ALX1: variants seen among roughly 807,000 people sequenced by gnomAD.
ALX1 encodes ALX homeobox 1.
A neutral mutation model predicts 31.7 loss-of-function variants in ALX1; 19 were observed. The ratio of observed to expected loss-of-function variants is 0.60; its 90% CI spans 0.42 to 0.88. ALX1 has a LOEUF of 0.88. ALX1 is among the 40% of genes least tolerant of loss of function. The pLI is 0.00. For synonymous variants in ALX1, 153 were observed against 148.8 expected, an observed-to-expected ratio of 1.03 and a Z score of -0.20; for missense variants, 415 against 407.8, an observed-to-expected ratio of 1.02 and a Z score of -0.15.
At chr12:85,286,182 T>C (rs1050514247) in intron 2 of ALX1, among the ~76,000 whole-genome samples, 2 of 151,934 alleles carry the variant, frequency 1.3e-5, no homozygotes, top group Admixed American at 6.6e-5. Context: ...ATAAGCACAT[T>C]CACGTATTTT....
At chr12:85,286,689 T>C (rs566635125) in intron 2 of ALX1, among the ~76,000 whole-genome samples, 164 bp from the exon 3 acceptor site, 32 of 152,062 alleles carry the variant, frequency 2.1e-4, no homozygotes, top group African/African-American at 6.3e-4. Flanking sequence ...CACATCAAGA[T>C]ACAAGAAAAA....
At chr12:85,292,717 C>T (rs1221939283) in intron 3 of ALX1, among the ~76,000 whole-genome samples, 1 of 150,812 alleles carries the variant, frequency 6.6e-6, no homozygotes, top group South Asian at 2.1e-4. Flanking sequence ...AGACTGTAGA[C>T]ATATTGCTTA....
chr12:85,294,223 CTTTA>C (rs1896856032), intron 3 of ALX1, among the ~76,000 whole-genome samples: 1 of 150,950 alleles, frequency 6.6e-6, no homozygotes, highest in Non-Finnish European at 1.5e-5. Context: ...ACATTTTTAT[CTTTA>C]TTTCTTATAT....
At chr12:85,295,676 G>C (rs148312659) in intron 3 of ALX1, among the ~76,000 whole-genome samples, 66 of 151,556 alleles carry the variant, frequency 4.4e-4, no homozygotes, top group African/African-American at 1.5e-3. Context: ...AGGAAAGTGT[G>C]TGAGCATGTG....
chr12:85,284,008 A>G, intron 2 of ALX1, 132 bp downstream of exon 2: 3 of 974,138 alleles, frequency 3.1e-6, no homozygotes, highest in South Asian at 3.0e-5. Flanking sequence ...AGTAATATAT[A>G]TGAATATATG....
Position 85,301,183 on chromosome 12 carries a change from C to G in ALX1, c.689C>G (p.Ala230Gly), listed in dbSNP as rs768807912. 44 of 1,613,840 alleles carry G rather than the reference C, an allele frequency of 2.7e-5. No homozygotes were observed. In the South Asian group the frequency reaches 4.7e-4, roughly 17 times the overall value. Reference protein sequence around the residue: ...QIQNNLWAGNASGGSVVTSCM... With the variant: ...QIQNNLWAGNGSGGSVVTSCM... ...CAGAACAATTTGTGGGCAGGAAATGCAAGTGGTGGTTCTGTGGTTACTTCA... is the reference window on the plus strand; with the variant it reads ...CAGAACAATTTGTGGGCAGGAAATGGAAGTGGTGGTTCTGTGGTTACTTCA... Residue 230 changes from alanine to glycine, a missense_variant, in exon 4 of 4, where the codon GCA becomes GGA. This residue lies in a region of ALX1 where 174 missense variants were observed against 177.5 expected (regional missense o/e 0.98). Transcript: ENST00000316824.
chr12:85,292,588 A>C (rs942082188), intron 3 of ALX1, among the ~76,000 whole-genome samples: 25 of 151,200 alleles, frequency 1.7e-4, no homozygotes, highest in Non-Finnish European at 1.6e-4. Flanking sequence ...TTTATAATTT[A>C]ATACATAGAT....
chr12:85,301,102 A>G lies in ALX1; in HGVS notation c.661-53A>G. The G allele has an allele frequency of 3.1e-6, 5 of 1,600,438 alleles. 1 individual carries two copies. The Middle Eastern group carries it at 6.6e-4, about 212-fold the overall frequency. On this transcript the variant is annotated intron_variant, in intron 3 of 3. Transcript: ENST00000316824. ...GTAAATACAACTTAACAAAAGTAAGAGAACAAAAGTGAGAACATGTAAATG... is the reference window on the plus strand; with the variant it reads ...GTAAATACAACTTAACAAAAGTAAGGGAACAAAAGTGAGAACATGTAAATG...
At chr12:85,283,539 T>C in intron 1 of ALX1, 33 bp from the exon 2 acceptor site, 2 of 1,609,252 alleles carry the variant, frequency 1.2e-6, no homozygotes, top group Non-Finnish European at 1.7e-6. Flanking sequence ...TTCACAATCC[T>C]GAGAACTGTT....
At chr12:85,280,730 T>TGAG in intron 1 of ALX1, among the ~76,000 whole-genome samples, 2 of 152,168 alleles carry the variant, frequency 1.3e-5, no homozygotes, top group African/African-American at 4.8e-5. Context: ...GATTCTCCTT[T>TGAG]CGCTGTAGGG....
At position 85,283,583 on chromosome 12, in the gene ALX1, A is replaced by G. The variant is rs555177384; in HGVS notation, c.238A>G (p.Ile80Val). Reference sequence around the variant, plus strand: ...TCCTCTGGGTACAGTGAACTATGGGATCACTAAAGTAGAAGGACAGCCCCT... The same window carrying G: ...TCCTCTGGGTACAGTGAACTATGGGGTCACTAAAGTAGAAGGACAGCCCCT... ...PCQDSSVNYG[I>V]TKVEGQPLHT... The change falls in exon 2 of 4, where the codon ATC becomes GTC. Residue 80 changes from isoleucine to valine, a missense_variant. Ile to Val is a conservative substitution (Grantham distance 29). Transcript: ENST00000316824. The G allele has an allele frequency of 1.9e-6, 3 of 1,613,994 alleles. No individual in the cohort carries two copies.
At chr12:85,282,781 T>G (rs1365238950) in intron 1 of ALX1, among the ~76,000 whole-genome samples, 1 of 152,212 alleles carries the variant, frequency 6.6e-6, no homozygotes, top group Non-Finnish European at 1.5e-5. Context: ...TTTTAATAGC[T>G]GTTTTAATTT....
intron 3 of ALX1, among the ~76,000 whole-genome samples, chr12:85,293,985 C>G (rs987261432): frequency 6.6e-6 from 1 of 151,066 alleles, no homozygotes; most frequent in Non-Finnish European, 1.5e-5. Context: ...TACAAACTCA[C>G]AGTTGATTTT....
At chr12:85,297,169 G>C (rs1896900136) in intron 3 of ALX1, among the ~76,000 whole-genome samples, 1 of 151,660 alleles carries the variant, frequency 6.6e-6, no homozygotes, top group Non-Finnish European at 1.5e-5. Flanking sequence ...AAATAATGTT[G>C]TTGTTTAATC....
At chr12:85,287,073 A>C (rs181167918) in intron 3 of ALX1, 92 bp downstream of exon 3, 1 of 1,423,538 alleles carries the variant, frequency 7.0e-7, no homozygotes, top group Admixed American at 1.8e-5. Flanking sequence ...TATATGTAAG[A>C]TAATAGCCAA....
chr12:85,286,331 T>C (rs1310712034), intron 2 of ALX1, among the ~76,000 whole-genome samples: 1 of 152,078 alleles, frequency 6.6e-6, no homozygotes, highest in East Asian at 1.9e-4. Flanking sequence ...GTGTAATCTT[T>C]ATGTTTAAAA....
At chr12:85,282,358 CA>C (rs1294267177) in intron 1 of ALX1, among the ~76,000 whole-genome samples, 1 of 151,926 alleles carries the variant, frequency 6.6e-6, no homozygotes, top group African/African-American at 2.4e-5. Context: ...GCCATCACCT[CA>C]AATATTTGAC....
At chr12:85,288,113 A>G (rs1417677124) in intron 3 of ALX1, among the ~76,000 whole-genome samples, 2 of 151,578 alleles carry the variant, frequency 1.3e-5, no homozygotes, top group Admixed American at 1.3e-4. Context: ...TAAATAAAAG[A>G]AGTCTTGGAG....
At chr12:85,287,157 T>C (rs1039827391) in intron 3 of ALX1, among the ~76,000 whole-genome samples, 176 bp downstream of exon 3, 5 of 151,896 alleles carry the variant, frequency 3.3e-5, no homozygotes, top group Admixed American at 1.3e-4. Flanking sequence ...ATTTTCTTGT[T>C]GTTTTCTTAC....
Sources: gnomAD v4.1 joint callset for allele counts (sites outside exome capture counted in the v4.1 genomes callset) on GRCh38, gnomAD v4.1.1 for gene constraint, gnomAD v4.1.1 regional missense constraint, MANE v1.5 for transcripts, NCBI Gene and HGNC (gene_info 2026-07-23, HGNC 2026-07-21) for gene names.